Variants in GTF2A1L observed in about 807,000 individuals in gnomAD.
GTF2A1L encodes the protein TFIIA-alpha and beta-like factor.
A neutral mutation model predicts 49.7 loss-of-function variants in GTF2A1L; 48 were observed. The observed-to-expected ratio is 0.97, with a 90% CI of 0.77 to 1.23. The LOEUF (loss-of-function observed/expected upper bound fraction) is 1.23, where lower values mean the gene tolerates loss of function less well. Among genes scored for constraint, GTF2A1L ranks in the 50% most tolerant of loss-of-function variants. The pLI is 0.00. For missense variants in GTF2A1L, 736 were observed against 564.8 expected (o/e 1.30, Z -3.07); for synonymous variants, 246 against 193.5 (o/e 1.27, Z -2.25).
chr2:48,631,502 T>G (rs562100647), intron 3 of GTF2A1L, among the ~76,000 whole-genome samples: 1 of 152,306 alleles, frequency 6.6e-6, no homozygotes, highest in South Asian at 2.1e-4. Flanking sequence ...CTTATTGGAA[T>G]CTTCCCTTTT....
rs764376661 is a variant in GTF2A1L, at chr2:48,642,496, C to G, written c.303+39C>G. The G allele has an allele frequency of 3.9e-6, 6 of 1,522,502 alleles. No individual in the cohort carries two copies. In the East Asian group the frequency reaches 1.4e-4, roughly 35 times the overall value. 94.3% of individuals were successfully genotyped at this position (1,522,502 alleles called of 1,614,324 possible). A position where few individuals can be genotyped will look rare whatever the true frequency, so the allele number is the denominator to read the frequency against. ...TTAAAATATATTTTAAAAGACATGT[C>G]CCACTGTTAGCGAGTGGTGGCAAAA... On this transcript the variant is annotated intron_variant, in intron 4 of 8. Transcript: ENST00000403751.
intron 6 of GTF2A1L, among the ~76,000 whole-genome samples, chr2:48,649,199 CTG>C (rs1677708274): frequency 6.6e-6 from 1 of 152,096 alleles, no homozygotes; most frequent in Non-Finnish European, 1.5e-5. Flanking sequence ...CCTTTTGTGA[CTG>C]TCTTATTTCA....
chr2:48,647,120 C>T, intron 6 of GTF2A1L, 78 bp downstream of exon 6: 1 of 1,219,444 alleles, frequency 8.2e-7, no homozygotes, highest in Non-Finnish European at 1.1e-6. Flanking sequence ...TATTTTCAAG[C>T]TGTAATGTTA....
At position 48,652,694 on chromosome 2, in the gene GTF2A1L, T is replaced by C. The variant is rs114335313; in HGVS notation, c.978+5652T>C. Among the ~76,000 whole-genome samples, 473 of 151,452 alleles carry C rather than the reference T, an allele frequency of 3.1e-3. 1 individual carries two copies. Among genetic ancestry groups the C allele is most frequent in the Non-Finnish European group, 5.9e-3 (402 of 67,856 alleles). On this transcript the variant is annotated intron_variant, in intron 6 of 8. Transcript: ENST00000403751. ...CTTATACTAATTGACTTTATTATTA[T>C]TATCATTTATTTATTTTTGAGATGG...
intron 6 of GTF2A1L, among the ~76,000 whole-genome samples, chr2:48,653,233 A>C (rs1677970445): frequency 6.6e-6 from 1 of 151,762 alleles, no homozygotes; most frequent in African/African-American, 2.4e-5. Context: ...AAAAAAAAAA[A>C]AAAAAAAGTA....
At chr2:48,629,388 T>A (rs1427026800) in intron 3 of GTF2A1L, among the ~76,000 whole-genome samples, 1 of 144,716 alleles carries the variant, frequency 6.9e-6, no homozygotes, top group Non-Finnish European at 1.6e-5. Flanking sequence ...AGAATTGTAC[T>A]GAGTACAACG....
chr2:48,629,673 G>T (rs1326271193), intron 3 of GTF2A1L, among the ~76,000 whole-genome samples: 1 of 144,314 alleles, frequency 6.9e-6, no homozygotes, highest in African/African-American at 2.5e-5. Context: ...TTCAGGCTAA[G>T]GGAAAAGGCT....
rs1676458869 is a variant in GTF2A1L at position 48,629,365 on chromosome 2, T to A, written c.247+8075T>A. ...GGGTTTAAAAAGGTAAAACTTGATA[T>A]GGAAGGCATGTAAGAATTGTACTGA... On this transcript the variant is annotated intron_variant, in intron 3 of 8. Coordinates refer to ENST00000403751, the MANE Select transcript of GTF2A1L (RefSeq NM_006872.5). 2.8e-5 allele frequency among the ~76,000 whole-genome samples: 4 copies of A among 144,708 alleles called. 1 individual carries two copies. The highest frequency in any genetic ancestry group is 6.2e-5 in the Non-Finnish European group (4 of 64,170). 94.9% of individuals were successfully genotyped at this position (144,708 alleles called of 152,430 possible).
At chr2:48,654,155 T>G (rs911533719) in intron 6 of GTF2A1L, among the ~76,000 whole-genome samples, 1 of 152,162 alleles carries the variant, frequency 6.6e-6, no homozygotes, top group African/African-American at 2.4e-5. Flanking sequence ...CCTTGGTAGT[T>G]AACACTATCT....
chr2:48,673,159 A>T (rs746853152), intron 8 of GTF2A1L, among the ~76,000 whole-genome samples: 1 of 152,156 alleles, frequency 6.6e-6, no homozygotes, highest in Non-Finnish European at 1.5e-5. Context: ...ATAATAGTCT[A>T]TTGAATGGAT....
intron 8 of GTF2A1L, among the ~76,000 whole-genome samples, chr2:48,674,212 C>A (rs1679332396): frequency 6.6e-6 from 1 of 152,144 alleles, no homozygotes; most frequent in Non-Finnish European, 1.5e-5. Flanking sequence ...ATTTTACATT[C>A]TTATTAGCAG....
Position 48,646,497 on chromosome 2 carries a change from T to C in GTF2A1L, c.433T>C (p.Ser145Pro). The C allele has an allele frequency of 6.2e-7, 1 of 1,613,730 alleles. No individual in the cohort carries two copies. Among genetic ancestry groups the C allele is most frequent in the African/African-American group, 1.3e-5 (1 of 74,994 alleles). The stretch of plus-strand genomic sequence containing the variant: ...TGTACCAATTATGGTGACAGAGACT[T>C]CTGGAAGAGCAGGTATTCTTCAGCA... ...VNVPIMVTETSGRAGILQHPI... is the reference protein window; with the variant it reads ...VNVPIMVTETPGRAGILQHPI... Residue 145 changes from serine (S) to proline (P), a missense_variant, in exon 6 of 9, where the codon TCT becomes CCT. Ser to Pro is a moderately conservative substitution (Grantham distance 74, BLOSUM62 -1). Coordinates refer to ENST00000403751, the MANE Select transcript of GTF2A1L (RefSeq NM_006872.5).
chr2:48,642,025 T>C (rs1380951008), intron 3 of GTF2A1L, among the ~76,000 whole-genome samples: 1 of 152,206 alleles, frequency 6.6e-6, no homozygotes, highest in African/African-American at 2.4e-5. Context: ...AGAATGGGTT[T>C]ATGTTGGGTT....
Position 48,646,576 on chromosome 2 carries a change from G to T in GTF2A1L, c.512G>T (p.Ser171Ile). 1 of 1,614,106 alleles carries T rather than the reference G, an allele frequency of 6.2e-7. No individual in the cohort carries two copies. The highest frequency in any genetic ancestry group is 8.5e-7 in the Non-Finnish European group (1 of 1,180,032). The change falls in exon 6 of 9, where the codon AGT (serine) becomes ATT (isoleucine). Residue 171 changes from serine (S) to isoleucine (I), a missense_variant. Coordinates refer to ENST00000403751, the MANE Select transcript of GTF2A1L (RefSeq NM_006872.5). The part of the protein sequence containing the change: ...QLGQPSVIQT[S>I]VPQLNPWSLQ... Reference sequence around the variant, plus strand: ...GGCCAGCCTTCAGTAATACAAACTAGTGTTCCACAATTGAATCCATGGTCT... The same window carrying T: ...GGCCAGCCTTCAGTAATACAAACTATTGTTCCACAATTGAATCCATGGTCT...
intron 3 of GTF2A1L, among the ~76,000 whole-genome samples, chr2:48,635,598 A>C (rs1169999041): frequency 6.6e-6 from 1 of 151,920 alleles, no homozygotes; most frequent in Non-Finnish European, 1.5e-5. Flanking sequence ...CTCTCCTCCC[A>C]CTCCAGGCTT....
rs146639569 is a variant in GTF2A1L, at chr2:48,629,030, A to T, written c.247+7740A>T. On this transcript the variant is annotated intron_variant, in intron 3 of 8. Coordinates refer to ENST00000403751, the MANE Select transcript of GTF2A1L (RefSeq NM_006872.5). Reference sequence around the variant, plus strand: ...AGGCCGAGGTGGGCGGATCATGAGGACAGGAGTTTGAGACCAGCCTGACCA... The same window carrying T: ...AGGCCGAGGTGGGCGGATCATGAGGTCAGGAGTTTGAGACCAGCCTGACCA... 8.3e-3 allele frequency among the ~76,000 whole-genome samples: 1,185 copies of T among 142,962 alleles called. 83 individuals are homozygous for T. Among genetic ancestry groups the T allele is most frequent in the African/African-American group, 0.028 (1,129 of 40,348 alleles). The allele number at this position is 142,962 out of a possible 152,430, so 93.8% of individuals were successfully genotyped here.
In GTF2A1L at chr2:48,643,701, T is replaced by TC. The variant is rs1398127456; in HGVS notation, c.303+1244_303+1245insC. On this transcript the variant is annotated intron_variant, in intron 4 of 8. Coordinates refer to ENST00000403751, the MANE Select transcript of GTF2A1L (RefSeq NM_006872.5). ...AAGACCATATTAATACAATTTTTTT[T>TC]TTTTTTTTTTTTTTTGAGACAGAGT... is the stretch of plus-strand genomic sequence containing the variant. Among the ~76,000 whole-genome samples the TC allele has an allele frequency of 6.4e-5, 7 of 108,746 alleles. No homozygotes were observed. The East Asian group carries it at 1.4e-3, about 21-fold the overall frequency. The allele number at this position is 108,746 out of a possible 152,430, so 71.3% of individuals were successfully genotyped here.
At chr2:48,635,622 G>A (rs900440670) in intron 3 of GTF2A1L, among the ~76,000 whole-genome samples, 2 of 152,116 alleles carry the variant, frequency 1.3e-5, no homozygotes, top group South Asian at 2.1e-4. Flanking sequence ...ATAGGGAAGA[G>A]TATAATTCCA....
At chr2:48,622,666 A>G (rs906397380) in intron 3 of GTF2A1L, among the ~76,000 whole-genome samples, 9 of 152,062 alleles carry the variant, frequency 5.9e-5, no homozygotes, top group African/African-American at 2.2e-4. Context: ...ACTTAAAAAC[A>G]AAAACAAAAG....
Sources: allele counts gnomAD v4.1 joint callset (sites outside exome capture counted in the v4.1 genomes callset), GRCh38; gene constraint gnomAD v4.1.1; transcripts MANE v1.5; gene names NCBI Gene and HGNC (gene_info 2026-07-23, HGNC 2026-07-21).